LGR5: variants seen among roughly 807,000 people sequenced by gnomAD.
LGR5 encodes the protein leucine rich repeat containing G protein-coupled receptor 5, also known as leucine-rich repeat-containing G protein-coupled receptor 5.
Under a neutral mutation model 76.7 loss-of-function variants are expected in LGR5, and 54 were observed. The observed-to-expected ratio is 0.70, with a 90% confidence interval of 0.57 to 0.88. The LOEUF is 0.88. Ranked by LOEUF, LGR5 falls within the 40% of genes least tolerant of loss-of-function variation. LGR5 has a pLI of 0.00. For missense variants in LGR5, 1,078 were observed against 1,073.3 expected, an observed-to-expected ratio of 1.00 and a Z score of -0.06; for synonymous variants, 406 against 421.9, an observed-to-expected ratio of 0.96 and a Z score of 0.46.
At chr12:71,500,951 AT>A (rs1429885428) in intron 1 of LGR5, among the ~76,000 whole-genome samples, 1 of 152,218 alleles carries the variant, frequency 6.6e-6, no homozygotes, top group Non-Finnish European at 1.5e-5. Context: ...TCAATCATCC[AT>A]TTCTTACAAA....
At chr12:71,451,429 C>T (rs1022342516) in intron 1 of LGR5, among the ~76,000 whole-genome samples, 1 of 152,184 alleles carries the variant, frequency 6.6e-6, no homozygotes, top group African/African-American at 2.4e-5. Flanking sequence ...CCATTTCAAA[C>T]TGCATCTTAC....
rs559344769 is a variant in LGR5, at chr12:71,533,584, T to C, written c.357-1531T>C. Among the ~76,000 whole-genome samples, 9 of 152,266 alleles carry C rather than the reference T, an allele frequency of 5.9e-5. No homozygotes were observed. The South Asian group carries it at 1.7e-3, about 28-fold the overall frequency. ...ATGAACCCTAAAGTTTGACAACCAATGGCATAGAGTTTTCTTTTTCTCTGG... is the reference window on the plus strand; with the variant it reads ...ATGAACCCTAAAGTTTGACAACCAACGGCATAGAGTTTTCTTTTTCTCTGG... On this transcript the variant is annotated intron_variant, in intron 3 of 17. Coordinates refer to ENST00000266674, the MANE Select transcript of LGR5 (RefSeq NM_003667.4).
intron 1 of LGR5, among the ~76,000 whole-genome samples, chr12:71,493,284 T>C (rs150910772): frequency 1.3e-5 from 2 of 151,342 alleles, no homozygotes; most frequent in East Asian, 1.9e-4. Flanking sequence ...GCTTATCCCA[T>C]CCTGCTCTTT....
At chr12:71,559,074 C>A (rs1396863781) in intron 6 of LGR5, among the ~76,000 whole-genome samples, 1 of 152,164 alleles carries the variant, frequency 6.6e-6, no homozygotes, top group East Asian at 1.9e-4. Context: ...CAAGGTTCAT[C>A]CTGGACTTCA....
chr12:71,497,959 T>A (rs920366482), intron 1 of LGR5, among the ~76,000 whole-genome samples: 15 of 152,108 alleles, frequency 9.9e-5, no homozygotes, highest in Admixed American at 9.2e-4. Flanking sequence ...AGTACCTACT[T>A]TAGTCATCTC....
At chr12:71,530,280 G>A (rs1876237825) in intron 3 of LGR5, among the ~76,000 whole-genome samples, 1 of 152,146 alleles carries the variant, frequency 6.6e-6, no homozygotes, top group Non-Finnish European at 1.5e-5. Flanking sequence ...GTAAAATGCT[G>A]AACAAGATAG....
chr12:71,583,530 T>G, intron 17 of LGR5, 117 bp from the exon 18 acceptor site: 1 of 1,169,586 alleles, frequency 8.6e-7, no homozygotes, highest in African/African-American at 1.5e-5. Flanking sequence ...CTGTGTGTTA[T>G]TAGGCTGTTT....
At chr12:71,563,255 C>T (rs1331784904) in intron 8 of LGR5, among the ~76,000 whole-genome samples, 2 of 152,170 alleles carry the variant, frequency 1.3e-5, no homozygotes, top group African/African-American at 4.8e-5. Flanking sequence ...TCTGTGAATG[C>T]TTTCCAGGTC....
intron 1 of LGR5, among the ~76,000 whole-genome samples, chr12:71,445,465 C>A (rs1157520669): frequency 6.6e-6 from 1 of 152,212 alleles, no homozygotes; most frequent in Non-Finnish European, 1.5e-5. Flanking sequence ...CTTTAATCCA[C>A]ACTTTAATTT....
At chr12:71,445,841 A>G (rs1442846512) in intron 1 of LGR5, among the ~76,000 whole-genome samples, 3 of 152,242 alleles carry the variant, frequency 2.0e-5, no homozygotes, top group Non-Finnish European at 2.9e-5. Context: ...GTGCTTCCGT[A>G]TATCCTCATG....
At chr12:71,467,639 A>T (rs1872919272) in intron 1 of LGR5, among the ~76,000 whole-genome samples, 1 of 152,228 alleles carries the variant, frequency 6.6e-6, no homozygotes, top group Non-Finnish European at 1.5e-5. Context: ...ATATCAAAAA[A>T]TATCTTAGAA....
At chr12:71,543,133 C>G (rs980158857) in intron 4 of LGR5, among the ~76,000 whole-genome samples, 1 of 151,980 alleles carries the variant, frequency 6.6e-6, no homozygotes, top group Non-Finnish European at 1.5e-5. Flanking sequence ...CAGACAAGAT[C>G]GGGCACATTC....
chr12:71,447,776 C>A (rs1187681688), intron 1 of LGR5, among the ~76,000 whole-genome samples: 2 of 152,200 alleles, frequency 1.3e-5, no homozygotes, highest in Admixed American at 1.3e-4. Context: ...CGACCCTTTA[C>A]AAGGGAGAGA....
At chr12:71,483,865 A>T (rs1441122653) in intron 1 of LGR5, among the ~76,000 whole-genome samples, 1 of 152,140 alleles carries the variant, frequency 6.6e-6, no homozygotes, top group Non-Finnish European at 1.5e-5. Flanking sequence ...AATCAATAGG[A>T]CTGATGGCCA....
chr12:71,506,612 A>G (rs1874871440), intron 2 of LGR5, among the ~76,000 whole-genome samples: 1 of 152,144 alleles, frequency 6.6e-6, no homozygotes. Flanking sequence ...TTGACCATAG[A>G]ATCACAAAAT....
At chr12:71,474,548 G>A (rs1313424702) in intron 1 of LGR5, among the ~76,000 whole-genome samples, 1 of 152,156 alleles carries the variant, frequency 6.6e-6, no homozygotes, top group Non-Finnish European at 1.5e-5. Flanking sequence ...CAGTAAGTGG[G>A]GAGAAGTTAT....
At position 71,500,743 on chromosome 12, in the gene LGR5, T is replaced by G. The variant is rs557308181; in HGVS notation, c.213-3871T>G. 2.0e-5 allele frequency among the ~76,000 whole-genome samples: 3 copies of G among 152,294 alleles called. No individual in the cohort carries two copies. The East Asian group carries it at 5.8e-4, about 29-fold the overall frequency. On this transcript the variant is annotated intron_variant, in intron 1 of 17. Transcript: ENST00000266674. ...TCCCAAAGTGCTGGGATTACAGATG[T>G]GAGCCACTGTGCCAGTCCAGACATC...
chr12:71,569,814 A>G (rs1878518450), intron 11 of LGR5, among the ~76,000 whole-genome samples: 1 of 152,242 alleles, frequency 6.6e-6, no homozygotes, highest in South Asian at 2.1e-4. Context: ...CTGGGTATAT[A>G]CCCAAGGGAA....
chr12:71,575,118 T>A (rs1378974554), intron 13 of LGR5, among the ~76,000 whole-genome samples: 1 of 152,184 alleles, frequency 6.6e-6, no homozygotes, highest in Admixed American at 6.5e-5. Context: ...TCAAGTGACT[T>A]GTCACACAGT....
Sources: allele counts gnomAD v4.1 joint callset (sites outside exome capture counted in the v4.1 genomes callset), GRCh38; gene constraint gnomAD v4.1.1; transcripts MANE v1.5; gene names NCBI Gene and HGNC (gene_info 2026-07-23, HGNC 2026-07-21).